MTUS2: variants seen among roughly 807,000 people sequenced by gnomAD.
MTUS2 encodes the protein microtubule associated scaffold protein 2.
In MTUS2, 40 loss-of-function variants were observed where a neutral mutation model predicts 114.1. That is an observed-to-expected ratio of 0.35 (90% confidence interval 0.27 to 0.46). The LOEUF (loss-of-function observed/expected upper bound fraction) is 0.46. Ranked by LOEUF, MTUS2 falls within the 20% of genes least tolerant of loss-of-function variation. The pLI is 1.00. For missense variants in MTUS2, 1,679 were observed against 1,705.4 expected, an observed-to-expected ratio of 0.98 and a Z score of 0.27; for synonymous variants, 688 against 672.0, an observed-to-expected ratio of 1.02 and a Z score of -0.37.
chr13:29,067,474 G>A (rs1207112619), intron 4 of MTUS2, among the ~76,000 whole-genome samples: 1 of 152,136 alleles, frequency 6.6e-6, no homozygotes, highest in Non-Finnish European at 1.5e-5. Context: ...GTTGGGATTG[G>A]AAATTAGGAA....
intron 2 of MTUS2, among the ~76,000 whole-genome samples, chr13:28,858,871 G>A (rs1035292232): frequency 1.4e-4 from 21 of 152,120 alleles, no homozygotes; most frequent in East Asian, 1.9e-4. Flanking sequence ...ATGAGGAAAC[G>A]GGACACCTAG....
At chr13:28,838,723 T>C (rs1875263635) in intron 1 of MTUS2, among the ~76,000 whole-genome samples, 1 of 152,186 alleles carries the variant, frequency 6.6e-6, no homozygotes, top group Non-Finnish European at 1.5e-5. Flanking sequence ...ATATCTATGC[T>C]CTTGGAAAAG....
intron 11 of MTUS2, among the ~76,000 whole-genome samples, chr13:29,491,855 T>C (rs1882135799): frequency 6.8e-6 from 1 of 147,602 alleles, no homozygotes. Context: ...GTGTGGCATG[T>C]GCCATGTATG....
chr13:29,339,165 C>T lies in MTUS2; in HGVS notation c.2905+14454C>T, dbSNP rs548531751. On this transcript the variant is annotated intron_variant, in intron 7 of 15. Coordinates refer to ENST00000612955, the MANE Select transcript of MTUS2 (RefSeq NM_001033602.4). ...AAGGCCCAATACAGACATTGTTGCA[C>T]CTACTCCTAGAGCTCCCAAGGTGGC... Among the ~76,000 whole-genome samples, 10 of 152,158 alleles carry T rather than the reference C, an allele frequency of 6.6e-5. No homozygotes were observed. In the East Asian group the frequency reaches 1.2e-3, roughly 18 times the overall value.
At chr13:28,837,644 C>T (rs1184448101) in intron 1 of MTUS2, among the ~76,000 whole-genome samples, 2 of 152,224 alleles carry the variant, frequency 1.3e-5, no homozygotes, top group Admixed American at 6.5e-5. Flanking sequence ...CATAAAGTCA[C>T]GTTCTAACTC....
At chr13:29,436,968 A>G (rs1196496427) in intron 8 of MTUS2, among the ~76,000 whole-genome samples, 2 of 152,158 alleles carry the variant, frequency 1.3e-5, no homozygotes, top group Non-Finnish European at 2.9e-5. Flanking sequence ...CTTCATCAGC[A>G]GTCTCCCTCA....
intron 8 of MTUS2, among the ~76,000 whole-genome samples, chr13:29,423,066 G>A (rs1876240511): frequency 6.6e-6 from 1 of 152,172 alleles, no homozygotes; most frequent in Non-Finnish European, 1.5e-5. Flanking sequence ...CTCCCTACAT[G>A]GCCCTTAGCT....
At chr13:29,290,352 T>C (rs1898654568) in intron 6 of MTUS2, among the ~76,000 whole-genome samples, 1 of 152,126 alleles carries the variant, frequency 6.6e-6, no homozygotes, top group Non-Finnish European at 1.5e-5. Flanking sequence ...TGTTTTGAGA[T>C]GGAGTCTTGC....
At chr13:29,059,606 C>G (rs1163406155) in intron 4 of MTUS2, among the ~76,000 whole-genome samples, 1 of 152,070 alleles carries the variant, frequency 6.6e-6, no homozygotes. Context: ...CCATGCCATC[C>G]AGGTGTTTCC....
At chr13:29,346,175 G>A (rs1352856305) in intron 7 of MTUS2, among the ~76,000 whole-genome samples, 1 of 152,216 alleles carries the variant, frequency 6.6e-6, no homozygotes, top group African/African-American at 2.4e-5. Context: ...CTCAGCTGCA[G>A]TAGTGTAGGG....
intron 7 of MTUS2, among the ~76,000 whole-genome samples, chr13:29,338,418 C>T (rs556620343): frequency 2.4e-3 from 327 of 136,384 alleles, no homozygotes; most frequent in Non-Finnish European, 4.5e-3. Flanking sequence ...GAAACCCAGT[C>T]TCTATTAAAA....
chr13:29,441,358 C>T (rs1005734678), intron 9 of MTUS2, among the ~76,000 whole-genome samples: 2 of 152,192 alleles, frequency 1.3e-5, no homozygotes, highest in African/African-American at 4.8e-5. Flanking sequence ...TGGCCCCACT[C>T]CCCGCAGACG....
chr13:29,357,024 T>C lies in MTUS2; in HGVS notation c.2906-2238T>C, dbSNP rs145955043. Among the ~76,000 whole-genome samples, 623 of 152,274 alleles carry C rather than the reference T, an allele frequency of 4.1e-3. 8 individuals are homozygous for C. Among genetic ancestry groups the C allele is most frequent in the Non-Finnish European group, 2.9e-3 (194 of 68,022 alleles). On this transcript the variant is annotated intron_variant, in intron 7 of 15. Coordinates refer to ENST00000612955, the MANE Select transcript of MTUS2 (RefSeq NM_001033602.4). ...TGGCCCCAGAAGAAGAGGTGAGCTTTTTGCACTGTTGTTCAGTAGAACACT... is the reference window on the plus strand; with the variant it reads ...TGGCCCCAGAAGAAGAGGTGAGCTTCTTGCACTGTTGTTCAGTAGAACACT...
chr13:28,852,650 A>G (rs1268845988), intron 2 of MTUS2, among the ~76,000 whole-genome samples: 1 of 152,120 alleles, frequency 6.6e-6, no homozygotes, highest in Non-Finnish European at 1.5e-5. Context: ...GGATCACCTG[A>G]AGTCAGGAGT....
At position 29,487,914 on chromosome 13, in the gene MTUS2, C is replaced by T. The variant is rs760952656; in HGVS notation, c.3414C>T (p.Thr1138=). 3.8e-5 allele frequency: 61 copies of T among 1,613,810 alleles called. No homozygotes were observed. The highest frequency in any genetic ancestry group is 6.7e-5 in the African/African-American group (5 of 74,928). The change falls in exon 11 of 16, where the codon ACC becomes ACT. Residue 1138 remains threonine, a synonymous_variant. Transcript: ENST00000612955. ...CTCTCCTCCAGGTGGAAGATCTCAC[C>T]GCCAGCCATGATGCTGCTCTCCTAG... ...CQHQEQVEDL[T]ASHDAALLEM...
intron 8 of MTUS2, among the ~76,000 whole-genome samples, chr13:29,429,103 C>T (rs549545519): frequency 6.6e-6 from 1 of 152,334 alleles, no homozygotes; most frequent in South Asian, 2.1e-4. Flanking sequence ...CAGTGCCTTA[C>T]ATAATTCTGT....
intron 2 of MTUS2, among the ~76,000 whole-genome samples, chr13:28,955,235 A>G (rs1480462161): frequency 6.6e-6 from 1 of 152,196 alleles, no homozygotes; most frequent in Non-Finnish European, 1.5e-5. Flanking sequence ...ATTTCTGTGA[A>G]GTTTTGCGTA....
intron 2 of MTUS2, among the ~76,000 whole-genome samples, chr13:28,940,551 A>G (rs1882174576): frequency 6.6e-6 from 1 of 152,162 alleles, no homozygotes; most frequent in African/African-American, 2.4e-5. Context: ...TTTGACTACT[A>G]TATTCAGGCA....
intron 5 of MTUS2, among the ~76,000 whole-genome samples, chr13:29,252,468 C>T (rs1002100592): frequency 1.3e-5 from 2 of 152,110 alleles, no homozygotes; most frequent in Non-Finnish European, 2.9e-5. Flanking sequence ...GGCGTTGCTG[C>T]AGGGATTGCA....
Sources: gnomAD v4.1 joint callset for allele counts (sites outside exome capture counted in the v4.1 genomes callset) on GRCh38, gnomAD v4.1.1 for gene constraint, MANE v1.5 for transcripts, NCBI Gene and HGNC (gene_info 2026-07-23, HGNC 2026-07-21) for gene names.